Variants in EPC1 observed in about 807,000 individuals in gnomAD.
EPC1 encodes enhancer of polycomb homolog 1.
Under a neutral mutation model 98.4 loss-of-function variants are expected in EPC1, and 12 were observed. The ratio of observed to expected loss-of-function variants is 0.12; its 90% CI spans 0.08 to 0.20. EPC1 has a LOEUF of 0.20. Among genes scored for constraint, EPC1 ranks in the 10% least tolerant of loss-of-function variants. EPC1 has a pLI of 1.00. For synonymous variants in EPC1, 357 were observed against 363.9 expected (o/e 0.98, Z 0.21); for missense variants, 729 against 990.5 (o/e 0.74, Z 3.54).
intron 2 of EPC1, among the ~76,000 whole-genome samples, chr10:32,294,009 A>G (rs1467640513): frequency 1.3e-5 from 2 of 152,224 alleles, no homozygotes; most frequent in Non-Finnish European, 2.9e-5. Flanking sequence ...CAAATACACT[A>G]GAAGCCTATT....
At chr10:32,355,703 T>G (rs1247049195) in intron 1 of EPC1, among the ~76,000 whole-genome samples, 1 of 134,908 alleles carries the variant, frequency 7.4e-6, no homozygotes, top group African/African-American at 2.6e-5. Flanking sequence ...CTCCGCCTCC[T>G]GAGTTCAAGC....
intron 1 of EPC1, among the ~76,000 whole-genome samples, chr10:32,326,061 T>C (rs61844532): frequency 0.041 from 6,315 of 152,274 alleles, 188 homozygotes; most frequent in Non-Finnish European, 0.061. Flanking sequence ...ATACCTCTTA[T>C]CTGTCTTCTC....
At chr10:32,283,515 C>CA (rs1297467993) in intron 10 of EPC1, 4 of 152,254 alleles carry the variant, frequency 2.6e-5, no homozygotes, top group Non-Finnish European at 4.4e-5. Context: ...CACCATGTTG[C>CA]CCAGGCTGGT....
intron 1 of EPC1, among the ~76,000 whole-genome samples, chr10:32,360,616 G>T (rs1377157018): frequency 2.6e-5 from 4 of 152,182 alleles, no homozygotes; most frequent in African/African-American, 9.7e-5. Context: ...GATCTCACAT[G>T]TATCAGGTGG....
intron 1 of EPC1, among the ~76,000 whole-genome samples, chr10:32,369,136 G>A (rs998614861): frequency 7.2e-5 from 11 of 152,184 alleles, no homozygotes; most frequent in African/African-American, 2.4e-4. Context: ...GCCAGACAAA[G>A]CCATGAGAGA....
At chr10:32,352,385 T>A (rs1281533096) in intron 1 of EPC1, among the ~76,000 whole-genome samples, 4 of 152,132 alleles carry the variant, frequency 2.6e-5, no homozygotes, top group African/African-American at 9.7e-5. Context: ...CTCCCTGTCC[T>A]GCCTCAGACT....
intron 11 of EPC1, 130 bp downstream of exon 11, chr10:32,273,033 C>A: frequency 6.2e-7 from 1 of 1,614,108 alleles, no homozygotes; most frequent in Non-Finnish European, 8.5e-7. Context: ...TCTTTCTAAA[C>A]CCTGTATATT....
intron 1 of EPC1, among the ~76,000 whole-genome samples, chr10:32,339,757 G>C (rs1838216343): frequency 6.6e-6 from 1 of 152,142 alleles, no homozygotes; most frequent in South Asian, 2.1e-4. Context: ...ATCTGTACAT[G>C]ATTTTTCATA....
rs759309767 is a variant in EPC1, at chr10:32,271,799, G to C, written c.2124C>G (p.Ser708=). 5 of 1,614,176 alleles carry C rather than the reference G, an allele frequency of 3.1e-6. No individual in the cohort carries two copies. ...QPSNITQTSS[S]HSALSHQVTA... is the part of the protein sequence containing the mutation. ...TTACTTGATGACTCAGTGCACTGTG[G>C]GAACTTGAAGTCTGTGTAATATTTG... is the stretch of plus-strand genomic sequence containing the variant. The change falls in exon 13 of 14, where the codon TCC becomes TCG. Residue 708 remains serine, a synonymous_variant. Coordinates refer to ENST00000319778, the MANE Select transcript of EPC1 (RefSeq NM_001272004.3).
At chr10:32,330,165 T>C (rs1837556484) in intron 1 of EPC1, among the ~76,000 whole-genome samples, 2 of 152,216 alleles carry the variant, frequency 1.3e-5, no homozygotes, top group African/African-American at 2.4e-5. Flanking sequence ...AAAGGGCCAC[T>C]GGTTGTATTA....
At chr10:32,347,656 G>A (rs544251221), upstream of EPC1, among the ~76,000 whole-genome samples, 2 of 152,016 alleles carry the variant, frequency 1.3e-5, no homozygotes, top group South Asian at 4.1e-4. Flanking sequence ...CGCTCCAGAG[G>A]CGCCGCGCGC....
chr10:32,321,351 TG>T (rs1836903013), intron 1 of EPC1, among the ~76,000 whole-genome samples: 1 of 152,036 alleles, frequency 6.6e-6, no homozygotes, highest in Admixed American at 6.6e-5. Flanking sequence ...AATATAGATC[TG>T]TTTTTTTTTC....
At chr10:32,313,911 A>G (rs1207976650) in intron 1 of EPC1, among the ~76,000 whole-genome samples, 1 of 152,136 alleles carries the variant, frequency 6.6e-6, no homozygotes, top group Non-Finnish European at 1.5e-5. Context: ...AAATAAAAAT[A>G]AAAAGAGAAG....
intron 2 of EPC1, among the ~76,000 whole-genome samples, chr10:32,304,627 C>A (rs1004795031): frequency 3.3e-5 from 5 of 152,018 alleles, no homozygotes; most frequent in Non-Finnish European, 5.9e-5. Context: ...CCTAGAAAAA[C>A]CTCTTGATCA....
intron 1 of EPC1, among the ~76,000 whole-genome samples, chr10:32,314,379 C>T (rs539303743): frequency 6.6e-6 from 1 of 152,276 alleles, no homozygotes; most frequent in Admixed American, 6.5e-5. Flanking sequence ...TCATGGCACC[C>T]AGCTCCAAAA....
At chr10:32,330,319 C>T (rs1837567139) in intron 1 of EPC1, among the ~76,000 whole-genome samples, 1 of 152,198 alleles carries the variant, frequency 6.6e-6, no homozygotes, top group South Asian at 2.1e-4. Flanking sequence ...TTATTTTAAA[C>T]TTTTGCTAGC....
chr10:32,313,864 C>T (rs1305424101), intron 1 of EPC1, among the ~76,000 whole-genome samples: 6 of 150,810 alleles, frequency 4.0e-5, no homozygotes, highest in South Asian at 2.1e-4. Context: ...CCAGCCTGGG[C>T]GACACAGCGA....
intron 1 of EPC1, among the ~76,000 whole-genome samples, chr10:32,317,921 A>G (rs1293147091): frequency 6.6e-6 from 1 of 152,186 alleles, no homozygotes; most frequent in African/African-American, 2.4e-5. Context: ...CCAATTTACT[A>G]CTTTCCTTAT....
At chr10:32,303,195 C>T (rs1180819108) in intron 2 of EPC1, among the ~76,000 whole-genome samples, 1 of 152,024 alleles carries the variant, frequency 6.6e-6, no homozygotes, top group East Asian at 1.9e-4. Context: ...CCCAACTACT[C>T]GGGAGGCTGA....
Sources: gnomAD v4.1 joint callset for allele counts (sites outside exome capture counted in the v4.1 genomes callset) on GRCh38, gnomAD v4.1.1 for gene constraint, MANE v1.5 for transcripts, NCBI Gene and HGNC (gene_info 2026-07-23, HGNC 2026-07-21) for gene names.